SMIM3: variants seen among roughly 807,000 people sequenced by gnomAD.
SMIM3 encodes the protein small integral membrane protein 3, also known as NGF-induced differentiation clone 67 protein.
A neutral mutation model predicts 2.1 loss-of-function variants in SMIM3; 4 were observed. That is an observed-to-expected ratio of 1.89 (90% CI 0.93 to 4.31). The LOEUF (loss-of-function observed/expected upper bound fraction) is 4.31. Ranked by LOEUF, SMIM3 falls within the 30% of genes most tolerant of loss-of-function variation. The probability of loss-of-function intolerance (pLI) is 0.01; values close to 1 mark genes in which losing one functional copy is unlikely to be tolerated. For synonymous variants in SMIM3, 29 were observed against 30.8 expected (o/e 0.94, Z 0.19); for missense variants, 79 against 77.7 (o/e 1.02, Z -0.06).
At chr5:150,789,605 G>A (rs1257093463) in intron 1 of SMIM3, among the ~76,000 whole-genome samples, 2 of 152,168 alleles carry the variant, frequency 1.3e-5, no homozygotes, top group South Asian at 2.1e-4. Context: ...AGGAGCCCAG[G>A]GGGTCGAGGG....
chr5:150,779,829 A>ACCCCCCCCCCCCCCCCCC (rs5872180), intron 1 of SMIM3, among the ~76,000 whole-genome samples: 1 of 111,024 alleles, frequency 9.0e-6, no homozygotes, highest in Non-Finnish European at 1.9e-5. Flanking sequence ...GAAAGGTGTA[A>ACCCCCCCCCCCCCCCCCC]CCCCCCCCGC....
intron 1 of SMIM3, among the ~76,000 whole-genome samples, chr5:150,782,581 C>T (rs942609283): frequency 2.0e-5 from 3 of 152,230 alleles, no homozygotes; most frequent in African/African-American, 7.2e-5. Context: ...GGCCAGTTCT[C>T]TTCTGCCTGG....
At chr5:150,787,097 A>G (rs1200465363) in intron 1 of SMIM3, among the ~76,000 whole-genome samples, 1 of 152,062 alleles carries the variant, frequency 6.6e-6, no homozygotes, top group Non-Finnish European at 1.5e-5. Flanking sequence ...TTGGACTCCA[A>G]CTTTTGTCCC....
intron 1 of SMIM3, among the ~76,000 whole-genome samples, chr5:150,793,790 A>T (rs1051060902): frequency 6.6e-6 from 1 of 152,242 alleles, no homozygotes; most frequent in Non-Finnish European, 1.5e-5. Context: ...AGAACCCATA[A>T]GCAAATGCAA....
intron 1 of SMIM3, among the ~76,000 whole-genome samples, chr5:150,779,441 G>A (rs1382859772): frequency 6.6e-6 from 1 of 152,222 alleles, no homozygotes; most frequent in African/African-American, 2.4e-5. Context: ...GAGGCCCCGT[G>A]TAGAAGGCGC....
intron 1 of SMIM3, among the ~76,000 whole-genome samples, chr5:150,781,438 T>C (rs1753231597): frequency 1.3e-5 from 2 of 152,224 alleles, no homozygotes; most frequent in African/African-American, 2.4e-5. Context: ...AGAAGTATAA[T>C]TGCCTGGCAC....
intron 1 of SMIM3, among the ~76,000 whole-genome samples, chr5:150,786,195 T>C (rs998829188): frequency 2.0e-5 from 3 of 152,220 alleles, no homozygotes; most frequent in Non-Finnish European, 2.9e-5. Context: ...TTCTCTCTTT[T>C]ACTATGGCTA....
intron 1 of SMIM3, among the ~76,000 whole-genome samples, chr5:150,780,777 A>G (rs1342057852): frequency 6.6e-6 from 1 of 152,166 alleles, no homozygotes; most frequent in Non-Finnish European, 1.5e-5. Flanking sequence ...GGATTGAAAC[A>G]TGCAAAGGAA....
intron 1 of SMIM3, among the ~76,000 whole-genome samples, chr5:150,783,983 A>G (rs1476236315): frequency 7.6e-6 from 1 of 130,998 alleles, no homozygotes. Flanking sequence ...CAGTGGTGTG[A>G]TCTTGGCTAA....
rs536000445 is a variant in SMIM3 at position 150,789,841 on chromosome 5, A to G, written c.-11-5589A>G. Among the ~76,000 whole-genome samples, 131 of 152,292 alleles carry G rather than the reference A, an allele frequency of 8.6e-4. 1 individual carries two copies. Among genetic ancestry groups the G allele is most frequent in the African/African-American group, 3.0e-3 (126 of 41,562 alleles). On this transcript the variant is annotated intron_variant, in intron 1 of 1. Transcript: ENST00000526627. ...TCATCTCTAGTGCTTAGGGTCTCTG[A>G]GGATAATGTATTCAGCTCTGCTGGG...
At chr5:150,780,943 C>T (rs59628268) in intron 1 of SMIM3, among the ~76,000 whole-genome samples, 21,937 of 152,070 alleles carry the variant, frequency 0.14, 2,845 homozygotes, top group African/African-American at 0.34. Flanking sequence ...GCCCAGTAAG[C>T]GGAATGATGT....
At position 150,796,624 on chromosome 5, in the gene SMIM3, T is replaced by C. The variant is rs1398511926; in HGVS notation, c.*1001T>C. On this transcript the variant is annotated 3_prime_UTR_variant, in exon 2 of 2. Transcript: ENST00000526627. ...GAGCATCTTGGGATTTATTAAATTA[T>C]GTAAGAAGATAGCACAGATATCGGG... is the stretch of plus-strand genomic sequence containing the variant. 1.3e-5 allele frequency: 2 copies of C among 152,386 alleles called. No individual in the cohort carries two copies. Among genetic ancestry groups the C allele is most frequent in the African/African-American group, 4.8e-5 (2 of 41,454 alleles). 9.4% of individuals were successfully genotyped at this position (152,386 alleles called of 1,614,324 possible).
At chr5:150,787,372 C>CAGACAATTACCAGACA (rs1456553128) in intron 1 of SMIM3, among the ~76,000 whole-genome samples, 4 of 152,300 alleles carry the variant, frequency 2.6e-5, no homozygotes, top group Admixed American at 6.5e-5. Context: ...TCTAGTTCAC[C>CAGACAATTACCAGACA]ATTACCAGAA....
At chr5:150,783,330 G>C (rs948504671) in intron 1 of SMIM3, among the ~76,000 whole-genome samples, 6 of 152,238 alleles carry the variant, frequency 3.9e-5, no homozygotes, top group Non-Finnish European at 8.8e-5. Flanking sequence ...TCTTCTGAGG[G>C]TGGAGACTTT....
At chr5:150,791,331 A>G (rs1753347247) in intron 1 of SMIM3, among the ~76,000 whole-genome samples, 1 of 152,124 alleles carries the variant, frequency 6.6e-6, no homozygotes, top group Admixed American at 6.6e-5. Context: ...TAAATAAATT[A>G]ATTTTTTTAT....
At chr5:150,792,625 C>G (rs1012059951) in intron 1 of SMIM3, among the ~76,000 whole-genome samples, 10 of 152,158 alleles carry the variant, frequency 6.6e-5, no homozygotes, top group African/African-American at 2.4e-4. Context: ...GCCTGGACCT[C>G]CTGGGCTCAA....
chr5:150,792,248 G>A (rs145006083), intron 1 of SMIM3, among the ~76,000 whole-genome samples: 128 of 152,290 alleles, frequency 8.4e-4, no homozygotes, highest in African/African-American at 3.0e-3. Flanking sequence ...CAGAATTATC[G>A]ACCTTACATT....
chr5:150,794,439 T>G (rs1357117171), intron 1 of SMIM3, among the ~76,000 whole-genome samples: 1 of 152,022 alleles, frequency 6.6e-6, no homozygotes, highest in Non-Finnish European at 1.5e-5. Context: ...AATCAACAAG[T>G]GGATAAAGAA....
chr5:150,789,323 T>G (rs568590440), intron 1 of SMIM3, among the ~76,000 whole-genome samples: 2 of 152,212 alleles, frequency 1.3e-5, no homozygotes. Context: ...TTAAAGATGC[T>G]GAAGATATGG....
Sources: gnomAD v4.1 joint callset for allele counts (sites outside exome capture counted in the v4.1 genomes callset) on GRCh38, gnomAD v4.1.1 for gene constraint, MANE v1.5 for transcripts, NCBI Gene and HGNC (gene_info 2026-07-23, HGNC 2026-07-21) for gene names.